DAB1: variants seen among roughly 807,000 people sequenced by gnomAD.
The protein encoded by DAB1 is DAB adaptor protein 1.
In DAB1, 15 loss-of-function variants were observed where a neutral mutation model predicts 64.6. The ratio of observed to expected loss-of-function variants is 0.23; its 90% CI spans 0.16 to 0.36. DAB1 has a LOEUF of 0.36. DAB1 is among the 10% of genes least tolerant of loss of function. DAB1 has a pLI of 1.00. For missense variants in DAB1, 596 were observed against 706.7 expected, an observed-to-expected ratio of 0.84 and a Z score of 1.78; for synonymous variants, 235 against 251.9, an observed-to-expected ratio of 0.93 and a Z score of 0.64.
intron 14 of DAB1, among the ~76,000 whole-genome samples, chr1:57,006,739 G>C (rs1646084523): frequency 6.6e-6 from 1 of 152,144 alleles, no homozygotes; most frequent in Non-Finnish European, 1.5e-5. Flanking sequence ...TTTATTTTAA[G>C]GGTCTGTTGT....
chr1:57,030,942 T>G (rs1453771353), intron 9 of DAB1, among the ~76,000 whole-genome samples: 1 of 152,250 alleles, frequency 6.6e-6, no homozygotes, highest in Non-Finnish European at 1.5e-5. Flanking sequence ...AATATTAAAA[T>G]GAAGTTATTA....
chr1:57,470,538 T>A (rs1368363313), intron 7 of DAB1, among the ~76,000 whole-genome samples: 1 of 152,180 alleles, frequency 6.6e-6, no homozygotes, highest in African/African-American at 2.4e-5. Context: ...AGTGTGTTAC[T>A]TTTCATTTGG....
At chr1:57,726,144 T>C (rs1647207085) in intron 6 of DAB1, among the ~76,000 whole-genome samples, 2 of 152,226 alleles carry the variant, frequency 1.3e-5, no homozygotes, top group African/African-American at 4.8e-5. Context: ...TTACTAACTT[T>C]GAAGAGCTTG....
At chr1:57,603,036 G>A (rs1291618998) in intron 7 of DAB1, among the ~76,000 whole-genome samples, 1 of 152,108 alleles carries the variant, frequency 6.6e-6, no homozygotes, top group Non-Finnish European at 1.5e-5. Context: ...GCAATGGCAC[G>A]ATCTCGGCTC....
At chr1:57,738,586 GGTGA>G (rs1268348860) in intron 6 of DAB1, among the ~76,000 whole-genome samples, 4 of 152,096 alleles carry the variant, frequency 2.6e-5, no homozygotes, top group Non-Finnish European at 5.9e-5. Context: ...CAAACAGTGG[GGTGA>G]GTGTCAGGAA....
chr1:58,477,738 C>T (rs1645433107), intron 3 of DAB1, among the ~76,000 whole-genome samples: 1 of 152,120 alleles, frequency 6.6e-6, no homozygotes, highest in Non-Finnish European at 1.5e-5. Context: ...AAAAAGAGCC[C>T]TTGCTCTGAT....
chr1:58,363,687 C>T (rs1644188023), intron 3 of DAB1, among the ~76,000 whole-genome samples: 1 of 152,206 alleles, frequency 6.6e-6, no homozygotes. Flanking sequence ...AAGACAGACA[C>T]TGTGGAAAGT....
At chr1:58,142,057 C>T (rs190744591) in intron 5 of DAB1, among the ~76,000 whole-genome samples, 16 of 152,166 alleles carry the variant, frequency 1.1e-4, no homozygotes, top group Admixed American at 7.8e-4. Context: ...TTTTAACCAA[C>T]GTTCATGAGC....
intron 1 of DAB1, among the ~76,000 whole-genome samples, chr1:57,325,348 G>A (rs1016797959): frequency 2.6e-5 from 4 of 152,162 alleles, no homozygotes; most frequent in Admixed American, 6.5e-5. Flanking sequence ...ACACAATGGG[G>A]CAGAGGACGA....
At chr1:57,670,943 C>T (rs997635867) in intron 6 of DAB1, among the ~76,000 whole-genome samples, 10 of 152,084 alleles carry the variant, frequency 6.6e-5, no homozygotes, top group Non-Finnish European at 1.2e-4. Context: ...TGCATGTAAC[C>T]TACAGGCATC....
rs551197802 is a variant in DAB1, at chr1:57,959,355, T to C, written n.388-75193A>G. Among the ~76,000 whole-genome samples, 16 of 152,322 alleles carry C rather than the reference T, an allele frequency of 1.1e-4. No homozygotes were observed. In the South Asian group the frequency reaches 3.3e-3, roughly 32 times the overall value. On this transcript the variant is annotated intron_variant and non_coding_transcript_variant, in intron 5 of 20. Transcript: ENST00000485760. ...TATTTTTAAATTCTTGAAGAATGAA[T>C]GTATGTGTAAAAAGAGATAAGGGAA...
intron 3 of DAB1, among the ~76,000 whole-genome samples, chr1:58,449,973 A>G (rs762899276): frequency 6.6e-6 from 1 of 152,224 alleles, no homozygotes; most frequent in Non-Finnish European, 1.5e-5. Flanking sequence ...ATGATTTTAT[A>G]AGCAGGTATA....
chr1:57,621,993 G>C (rs1189474944), intron 7 of DAB1, among the ~76,000 whole-genome samples: 1 of 152,218 alleles, frequency 6.6e-6, no homozygotes, highest in Non-Finnish European at 1.5e-5. Flanking sequence ...GAGCAGTCCT[G>C]CAGTAGCTTA....
At chr1:58,048,648 A>C (rs778225446) in intron 5 of DAB1, 1 of 1,253,510 alleles carries the variant, frequency 8.0e-7, no homozygotes, top group Admixed American at 1.7e-5. Context: ...CCACAACCAA[A>C]GTTGTCATTC....
chr1:58,509,711 G>C (rs1222496714), intron 2 of DAB1, among the ~76,000 whole-genome samples: 2 of 150,462 alleles, frequency 1.3e-5, no homozygotes, highest in Non-Finnish European at 3.0e-5. Context: ...TTAAAACTAA[G>C]AGCTTTTTGG....
chr1:57,386,739 C>CGTGTGCGTGTGT (rs202112415), intron 1 of DAB1: 156 of 150,114 alleles, frequency 1.0e-3, no homozygotes, highest in African/African-American at 3.6e-3. Flanking sequence ...TGTGCGTGTG[C>CGTGTGCGTGTGT]GTGTGTGTGT....
chr1:58,221,383 AAC>A (rs1173306106), intron 4 of DAB1, among the ~76,000 whole-genome samples: 1 of 152,208 alleles, frequency 6.6e-6, no homozygotes, highest in Non-Finnish European at 1.5e-5. Context: ...TCGAATTTTA[AAC>A]AGATTCTTGG....
intron 2 of DAB1, among the ~76,000 whole-genome samples, chr1:57,243,377 A>G (rs1344450076): frequency 6.6e-6 from 1 of 152,166 alleles, no homozygotes; most frequent in Non-Finnish European, 1.5e-5. Flanking sequence ...GCACAGACCT[A>G]TGGGACTGTG....
chr1:57,470,959 AT>A (rs1687114175), intron 7 of DAB1, among the ~76,000 whole-genome samples: 1 of 152,234 alleles, frequency 6.6e-6, no homozygotes, highest in Non-Finnish European at 1.5e-5. Flanking sequence ...CAAGACAATA[AT>A]TAAACAAATC....
Sources: gnomAD v4.1 joint callset for allele counts (sites outside exome capture counted in the v4.1 genomes callset) on GRCh38, gnomAD v4.1.1 for gene constraint, MANE v1.5 for transcripts, NCBI Gene and HGNC (gene_info 2026-07-23, HGNC 2026-07-21) for gene names.